The following EPM2A variants were observed in gnomAD, a reference collection of about 807,000 sequenced individuals.
EPM2A encodes laforin.
EPM2A carries 21 observed loss-of-function variants against 26.5 expected under a neutral mutation model. That is an observed-to-expected ratio of 0.79 (90% confidence interval 0.56 to 1.14). The LOEUF is 1.14. Among genes scored for constraint, EPM2A ranks in the 50% most tolerant of loss-of-function variants. The pLI, the probability that EPM2A is intolerant of heterozygous loss-of-function variation, is 0.00. For missense variants in EPM2A, 458 were observed against 440.8 expected (o/e 1.04, Z -0.35); for synonymous variants, 217 against 177.6 (o/e 1.22, Z -1.76).
intron 4 of EPM2A, among the ~76,000 whole-genome samples, chr6:145,428,920 G>A (rs1208226234): frequency 6.6e-6 from 1 of 152,108 alleles, no homozygotes; most frequent in Admixed American, 6.6e-5. Context: ...CTATCCTTAG[G>A]GAAGAATTTC....
chr6:145,604,548 A>G (rs1284148748), intron 2 of EPM2A, among the ~76,000 whole-genome samples: 2 of 152,164 alleles, frequency 1.3e-5, no homozygotes, highest in African/African-American at 4.8e-5. Context: ...AGTATCTTGA[A>G]ATAGTCTATT....
chr6:145,582,547 G>T (rs1332640315), intron 2 of EPM2A, among the ~76,000 whole-genome samples: 1 of 152,144 alleles, frequency 6.6e-6, no homozygotes, highest in East Asian at 1.9e-4. Context: ...GGTTCCCTTT[G>T]TAAGTCACCT....
chr6:145,707,799 G>C (rs1333116022), intron 1 of EPM2A, among the ~76,000 whole-genome samples: 1 of 152,160 alleles, frequency 6.6e-6, no homozygotes, highest in Admixed American at 6.6e-5. Context: ...TAGTAAATTG[G>C]TATCAGTAGA....
chr6:145,417,974 G>A (rs570106752), intron 4 of EPM2A, among the ~76,000 whole-genome samples: 22 of 151,854 alleles, frequency 1.4e-4, no homozygotes, highest in Middle Eastern at 3.4e-3. Context: ...TCACCACACC[G>A]CCCACTCCCT....
intron 4 of EPM2A, among the ~76,000 whole-genome samples, chr6:145,416,989 C>T (rs185534537): frequency 2.6e-5 from 4 of 151,994 alleles, no homozygotes; most frequent in South Asian, 2.1e-4. Flanking sequence ...GAAAATTTTC[C>T]TCTGTTGAGG....
intron 1 of EPM2A, among the ~76,000 whole-genome samples, chr6:145,701,302 G>A (rs1781898368): frequency 6.6e-6 from 1 of 152,126 alleles, no homozygotes; most frequent in Non-Finnish European, 1.5e-5. Flanking sequence ...ATAACTAGAG[G>A]TGAGAAGCCA....
chr6:145,583,680 C>CA (rs1223970637), intron 2 of EPM2A, among the ~76,000 whole-genome samples: 3 of 152,226 alleles, frequency 2.0e-5, no homozygotes, highest in Non-Finnish European at 4.4e-5. Flanking sequence ...AAGTGGGTTG[C>CA]ATACAAGGCA....
At chr6:145,398,610 A>G (rs1448966258) in intron 4 of EPM2A, among the ~76,000 whole-genome samples, 1 of 152,162 alleles carries the variant, frequency 6.6e-6, no homozygotes, top group Non-Finnish European at 1.5e-5. Flanking sequence ...TGCTGGGACT[A>G]CAGGCGTGAG....
At chr6:145,642,069 C>G (rs9390341) in intron 2 of EPM2A, among the ~76,000 whole-genome samples, 2 of 151,930 alleles carry the variant, frequency 1.3e-5, no homozygotes, top group Admixed American at 6.6e-5. Flanking sequence ...ATCTATATGC[C>G]GTGTCAATAG....
At chr6:145,422,111 T>C (rs1778796310) in intron 4 of EPM2A, among the ~76,000 whole-genome samples, 1 of 146,216 alleles carries the variant, frequency 6.8e-6, no homozygotes, top group Admixed American at 6.9e-5. Context: ...TATATACATA[T>C]ATAAATATAT....
intron 2 of EPM2A, among the ~76,000 whole-genome samples, chr6:145,547,140 C>G (rs915421220): frequency 1.3e-5 from 2 of 152,092 alleles, no homozygotes; most frequent in Admixed American, 1.3e-4. Flanking sequence ...TAAACCAAAC[C>G]TATCAACTTT....
intron 4 of EPM2A, among the ~76,000 whole-genome samples, chr6:145,484,563 A>C (rs1779650024): frequency 6.6e-6 from 1 of 152,138 alleles, no homozygotes; most frequent in African/African-American, 2.4e-5. Context: ...TCCAAATCCC[A>C]GCTCTGCCAT....
chr6:145,648,198 C>G (rs1191093473), intron 2 of EPM2A, among the ~76,000 whole-genome samples: 1 of 152,128 alleles, frequency 6.6e-6, no homozygotes, highest in Non-Finnish European at 1.5e-5. Flanking sequence ...GTGGCAAAAC[C>G]TAATTCTCCA....
At chr6:145,415,872 C>T (rs964628451) in intron 4 of EPM2A, among the ~76,000 whole-genome samples, 17 of 152,106 alleles carry the variant, frequency 1.1e-4, no homozygotes, top group Admixed American at 1.3e-4. Flanking sequence ...AGCCCATTTG[C>T]TTATGCTTCT....
intron 2 of EPM2A, among the ~76,000 whole-genome samples, chr6:145,590,345 TACCAGAGCCTAATAC>T (rs1482817196): frequency 6.6e-6 from 1 of 152,022 alleles, no homozygotes; most frequent in East Asian, 1.9e-4. Context: ...AAAAAGATTT[TACCAGAGCCTAATAC>T]ACCTGGGGAA....
At chr6:145,496,568 GA>G (rs1328944221) in intron 4 of EPM2A, among the ~76,000 whole-genome samples, 2 of 152,134 alleles carry the variant, frequency 1.3e-5, no homozygotes, top group South Asian at 4.2e-4. Context: ...CCTGATTTCA[GA>G]AAGACAGTCT....
intron 2 of EPM2A, chr6:145,502,663 A>G: frequency 4.4e-6 from 2 of 454,260 alleles, no homozygotes; most frequent in Non-Finnish European, 9.1e-6. Flanking sequence ...GTCTTAGGAA[A>G]CACCTTGAAA....
chr6:145,606,034 T>G (rs760729589), intron 2 of EPM2A, among the ~76,000 whole-genome samples: 5 of 152,146 alleles, frequency 3.3e-5, no homozygotes, highest in Non-Finnish European at 5.9e-5. Flanking sequence ...CTATGGAAAT[T>G]TATTTACACC....
intron 2 of EPM2A, among the ~76,000 whole-genome samples, chr6:145,596,568 T>G (rs961526184): frequency 4.6e-5 from 7 of 152,184 alleles, no homozygotes; most frequent in African/African-American, 1.4e-4. Context: ...TCCCCTTCTT[T>G]TGGTTCTTCC....
Sources: gnomAD v4.1 joint callset for allele counts (sites outside exome capture counted in the v4.1 genomes callset) on GRCh38, gnomAD v4.1.1 for gene constraint, MANE v1.5 for transcripts, NCBI Gene and HGNC (gene_info 2026-07-23, HGNC 2026-07-21) for gene names.